Variants in TBCD observed in about 807,000 individuals in gnomAD.
TBCD encodes the protein tubulin-specific chaperone D.
In TBCD, 105 loss-of-function variants were observed where a neutral mutation model predicts 169.3. That is an observed-to-expected ratio of 0.62 (90% CI 0.53 to 0.73). The LOEUF is 0.73. Ranked by LOEUF, TBCD falls within the 30% of genes least tolerant of loss-of-function variation. TBCD has a pLI of 0.00. For missense variants in TBCD, 1,444 were observed against 1,600.1 expected, an observed-to-expected ratio of 0.90 and a Z score of 1.66; for synonymous variants, 700 against 643.9, an observed-to-expected ratio of 1.09 and a Z score of -1.32.
intron 1 of TBCD, among the ~76,000 whole-genome samples, chr17:82,755,305 C>G (rs902354937): frequency 3.9e-5 from 6 of 152,170 alleles, no homozygotes; most frequent in Admixed American, 3.9e-4. Flanking sequence ...TGCTTTTCAT[C>G]AGACTAAAAA....
intron 13 of TBCD, among the ~76,000 whole-genome samples, chr17:82,837,792 A>G (rs113995153): frequency 0.027 from 4,170 of 152,260 alleles, 214 homozygotes; most frequent in African/African-American, 0.094. Flanking sequence ...CTGCTGGCTA[A>G]TGTGTGCCCT....
intron 9 of TBCD, among the ~76,000 whole-genome samples, chr17:82,805,425 G>A (rs1238224654): frequency 6.6e-6 from 1 of 152,222 alleles, no homozygotes; most frequent in African/African-American, 2.4e-5. Flanking sequence ...TCGGGAGGCA[G>A]GATCTGTAGG....
chr17:82,820,519 C>T (rs937469607), intron 13 of TBCD, among the ~76,000 whole-genome samples: 5 of 151,536 alleles, frequency 3.3e-5, no homozygotes, highest in Non-Finnish European at 7.4e-5. Context: ...TCATCAAACT[C>T]GGGTAGTTTT....
intron 20 of TBCD, 31 bp downstream of exon 20, chr17:82,906,084 G>A (rs933459319): frequency 6.6e-7 from 1 of 1,511,218 alleles, no homozygotes; most frequent in South Asian, 1.2e-5. Context: ...GGAGACACAG[G>A]GCTCTGTCCC....
At chr17:82,871,562 C>T (rs895402421) in intron 14 of TBCD, among the ~76,000 whole-genome samples, 1 of 152,232 alleles carries the variant, frequency 6.6e-6, no homozygotes, top group South Asian at 2.1e-4. Context: ...GTTCAGGAGC[C>T]GAGCGTCCCC....
chr17:82,859,756 A>C (rs532104013), intron 13 of TBCD: 2 of 985,350 alleles, frequency 2.0e-6, no homozygotes, highest in Non-Finnish European at 2.4e-6. Context: ...TGCTGCCCAG[A>C]CTCACCCTGA....
chr17:82,839,791 C>G (rs1161896684), intron 13 of TBCD: 1 of 152,236 alleles, frequency 6.6e-6, no homozygotes, highest in African/African-American at 2.4e-5. Flanking sequence ...CCTGCTGGGT[C>G]CTGAGTAATC....
chr17:82,855,235 C>CTTTTTTTTTTTTTTTTT lies in TBCD; in HGVS notation c.1319-14969_1319-14953dup, dbSNP rs58346723. On this transcript the variant is annotated intron_variant, in intron 13 of 38. Transcript: ENST00000355528. ...CCAGAGGGGCAGGGAAAGGTGTTTG[C>CTTTTTTTTTTTTTTTTT]TTTTTTTTTTTTTTTTTTTTTTTTT... Among the ~76,000 whole-genome samples, 3 of 53,992 alleles carry CTTTTTTTTTTTTTTTTT rather than the reference C, an allele frequency of 5.6e-5. 1 individual carries two copies. Among genetic ancestry groups the CTTTTTTTTTTTTTTTTT allele is most frequent in the African/African-American group, 2.0e-4 (3 of 15,302 alleles). 35.4% of individuals were successfully genotyped at this position (53,992 alleles called of 152,430 possible). A position where few individuals can be genotyped will look rare whatever the true frequency, so the allele number is the denominator to read the frequency against.
At chr17:82,875,564 C>CT (rs2057906445) in intron 14 of TBCD, among the ~76,000 whole-genome samples, 1 of 152,238 alleles carries the variant, frequency 6.6e-6, no homozygotes, top group Admixed American at 6.5e-5. Flanking sequence ...CAGCCTCTGA[C>CT]TTTCGGCCTC....
chr17:82,805,819 G>A, intron 9 of TBCD, 56 bp from the exon 10 acceptor site: 1 of 1,558,312 alleles, frequency 6.4e-7, no homozygotes. Context: ...ACTGGTTCCA[G>A]TCATCAGGAT....
chr17:82,865,400 G>T (rs1220672258), intron 13 of TBCD: 2 of 920,474 alleles, frequency 2.2e-6, no homozygotes, highest in Non-Finnish European at 2.6e-6. Context: ...CATCGTGGGA[G>T]GGAGGCTCAG....
intron 6 of TBCD, among the ~76,000 whole-genome samples, chr17:82,772,730 G>T (rs574026246): frequency 1.1e-4 from 17 of 152,332 alleles, no homozygotes; most frequent in African/African-American, 4.1e-4. Flanking sequence ...GCTGGTGGGG[G>T]TCACCTGACA....
chr17:82,938,192 G>A, intron 36 of TBCD, 56 bp downstream of exon 36: 5 of 1,553,372 alleles, frequency 3.2e-6, no homozygotes, highest in Non-Finnish European at 4.4e-6. Flanking sequence ...GCCCCTCAGT[G>A]ACAAGAAGGC....
chr17:82,935,687 G>A (rs1052122981), intron 34 of TBCD, among the ~76,000 whole-genome samples: 5 of 152,192 alleles, frequency 3.3e-5, no homozygotes, highest in Non-Finnish European at 4.4e-5. Context: ...TGTTGGTTCC[G>A]CGTGCTTCCG....
chr17:82,809,078 C>T lies in TBCD; in HGVS notation c.1149-630C>T, dbSNP rs551883189. 1.2e-4 allele frequency among the ~76,000 whole-genome samples: 19 copies of T among 152,162 alleles called. No homozygotes were observed. In the South Asian group the frequency reaches 3.5e-3, roughly 28 times the overall value. On this transcript the variant is annotated intron_variant, in intron 11 of 38. Coordinates refer to ENST00000355528, the MANE Select transcript of TBCD (RefSeq NM_005993.5). ...CTGGGAGGAGCTCCACAGGGCTGTGCAGGGGCTCACATAGGCCTTTGTGTT... is the reference window on the plus strand; with the variant it reads ...CTGGGAGGAGCTCCACAGGGCTGTGTAGGGGCTCACATAGGCCTTTGTGTT...
At chr17:82,813,395 G>A (rs1228008209) in intron 12 of TBCD, among the ~76,000 whole-genome samples, 1 of 152,034 alleles carries the variant, frequency 6.6e-6, no homozygotes, top group Non-Finnish European at 1.5e-5. Context: ...TTGGATCTGA[G>A]GGCGGGAACT....
intron 17 of TBCD, 91 bp from the exon 18 acceptor site, chr17:82,900,560 G>T (rs1325778291): frequency 3.0e-6 from 3 of 1,009,210 alleles, no homozygotes; most frequent in African/African-American, 3.2e-5. Flanking sequence ...GGGCAAACTG[G>T]TTTTGAAAGT....
chr17:82,920,254 A>C lies in TBCD; in HGVS notation c.2039-302A>C, dbSNP rs933702059. The stretch of plus-strand genomic sequence containing the variant: ...TACAGCCTGTCACAGGGACGTCTGC[A>C]GCTCCCTGACAGGCCGGCCCGGCTT... On this transcript the variant is annotated intron_variant, in intron 23 of 38. Coordinates refer to ENST00000355528, the MANE Select transcript of TBCD (RefSeq NM_005993.5). The surrounding 1 kb of genome is among the most constrained non-coding windows in gnomAD (Gnocchi z 4.1). Among the ~76,000 whole-genome samples, 2 of 152,224 alleles carry C rather than the reference A, an allele frequency of 1.3e-5. No individual in the cohort carries two copies. The highest frequency in any genetic ancestry group is 4.8e-5 in the African/African-American group (2 of 41,468).
intron 22 of TBCD, among the ~76,000 whole-genome samples, chr17:82,909,727 C>T (rs553965265): frequency 2.6e-5 from 4 of 152,258 alleles, no homozygotes; most frequent in Non-Finnish European, 2.9e-5. Context: ...GTGGGAGGCG[C>T]GTGAGGTTCT....
Sources: gnomAD v4.1 joint callset for allele counts (sites outside exome capture counted in the v4.1 genomes callset) on GRCh38, gnomAD v4.1.1 for gene constraint, Gnocchi (gnomAD v3.1) non-coding constraint, MANE v1.5 for transcripts, NCBI Gene and HGNC (gene_info 2026-07-23, HGNC 2026-07-21) for gene names.